The following TRIM66 variants were observed in gnomAD, a reference collection of about 807,000 sequenced individuals.
TRIM66 encodes the protein tripartite motif containing 66, also known as tripartite motif-containing protein 66.
TRIM66 carries 99 observed loss-of-function variants against 148.2 expected under a neutral mutation model. The ratio of observed to expected loss-of-function variants is 0.67; its 90% confidence interval spans 0.57 to 0.79. The LOEUF is 0.79. Among genes scored for constraint, TRIM66 ranks in the 30% least tolerant of loss-of-function variants. The pLI, the probability that TRIM66 is intolerant of heterozygous loss-of-function variation, is 0.00. For missense variants in TRIM66, 1,666 were observed against 1,697.9 expected (o/e 0.98, Z 0.33); for synonymous variants, 616 against 635.9 (o/e 0.97, Z 0.47).
At position 8,635,973 on chromosome 11, in the gene TRIM66, C is replaced by T. The variant is rs145746130; in HGVS notation, c.2310+2681G>A. ...AGCACTGGCAATGAAACCACCTTTG[C>T]AAAAATTATATCAATGAGCAAATTA... On this transcript the variant is annotated intron_variant, in intron 15 of 24. Transcript: ENST00000646038. Among the ~76,000 whole-genome samples, 20 of 152,328 alleles carry T rather than the reference C, an allele frequency of 1.3e-4. No homozygotes were observed. The East Asian group carries it at 3.9e-3, about 29-fold the overall frequency.
chr11:8,648,152 G>T, intron 9 of TRIM66, 66 bp from the exon 10 acceptor site: 2 of 1,363,680 alleles, frequency 1.5e-6, no homozygotes, highest in East Asian at 2.5e-5. Context: ...CCAACCAAGC[G>T]GGAATCTCCA....
intron 15 of TRIM66, among the ~76,000 whole-genome samples, chr11:8,628,675 T>G (rs947926768): frequency 2.0e-5 from 3 of 146,702 alleles, no homozygotes; most frequent in African/African-American, 5.0e-5. Flanking sequence ...AAGCTACAAC[T>G]TAATTTTGAC....
chr11:8,627,655 T>C (rs887824335), intron 15 of TRIM66, among the ~76,000 whole-genome samples: 1 of 152,230 alleles, frequency 6.6e-6, no homozygotes, highest in African/African-American at 2.4e-5. Context: ...TTTCATGTTA[T>C]TATAAAACAT....
chr11:8,659,337 T>C (rs571858902), intron 6 of TRIM66, among the ~76,000 whole-genome samples: 4 of 152,140 alleles, frequency 2.6e-5, no homozygotes, highest in African/African-American at 4.8e-5. Flanking sequence ...GTCAGGGTAG[T>C]TGAGCATTAA....
intron 6 of TRIM66, among the ~76,000 whole-genome samples, chr11:8,669,260 T>A (rs1484542098): frequency 6.6e-6 from 1 of 152,212 alleles, no homozygotes; most frequent in African/African-American, 2.4e-5. Flanking sequence ...AGAATTACGG[T>A]AAAGTCACAG....
At chr11:8,639,842 A>G (rs1022962247) in intron 14 of TRIM66, among the ~76,000 whole-genome samples, 1 of 152,164 alleles carries the variant, frequency 6.6e-6, no homozygotes, top group Non-Finnish European at 1.5e-5. Flanking sequence ...TCTGGGATTC[A>G]TAAGGTCCGG....
intron 6 of TRIM66, among the ~76,000 whole-genome samples, chr11:8,661,022 A>G (rs1224429832): frequency 6.6e-6 from 1 of 152,218 alleles, no homozygotes; most frequent in Admixed American, 6.5e-5. Context: ...AGCAATTGGA[A>G]GCCTTTAGAG....
intron 6 of TRIM66, among the ~76,000 whole-genome samples, chr11:8,652,617 G>A (rs1170543150): frequency 1.3e-5 from 2 of 152,116 alleles, no homozygotes; most frequent in African/African-American, 4.8e-5. Flanking sequence ...GTGGGCTTCT[G>A]GACTATAAAA....
chr11:8,679,055 T>C (rs1312937083), intron 3 of TRIM66: 1 of 152,196 alleles, frequency 6.6e-6, no homozygotes, highest in South Asian at 2.1e-4. Context: ...AGAAGAGATG[T>C]CACAGAGAAG....
chr11:8,654,986 G>T (rs1353141846), intron 6 of TRIM66, among the ~76,000 whole-genome samples: 1 of 151,988 alleles, frequency 6.6e-6, no homozygotes, highest in Admixed American at 6.6e-5. Flanking sequence ...TCAGCCTCCT[G>T]AGTAGCTGGG....
intron 6 of TRIM66, among the ~76,000 whole-genome samples, chr11:8,666,253 C>A (rs928490522): frequency 9.0e-5 from 13 of 143,676 alleles, no homozygotes; most frequent in African/African-American, 3.4e-4. Context: ...AGAGGAGAAT[C>A]GCTTGAACCC....
At chr11:8,648,319 A>C in intron 9 of TRIM66, 97 bp downstream of exon 9, 1 of 1,493,126 alleles carries the variant, frequency 6.7e-7, no homozygotes, top group Non-Finnish European at 9.0e-7. Context: ...TGGCTTGGGC[A>C]GGGAGAAGAT....
In TRIM66 at chr11:8,640,268, G is replaced by A; in HGVS notation, c.2107C>T (p.Pro703Ser). The A allele has an allele frequency of 6.4e-7, 1 of 1,551,660 alleles. No individual in the cohort carries two copies. The highest frequency in any genetic ancestry group is 8.7e-7 in the Non-Finnish European group (1 of 1,147,004). ...VGQINYIVRQ[P>S]APVQSQSQEE... ...TGGCTCTGGGACTGGACAGGTGCTG[G>A]CTGCCTCACGATGTAGTTGATCTGC... is the stretch of plus-strand genomic sequence containing the variant. The change falls in exon 14 of 25, where the codon CCA becomes TCA. Residue 703 changes from proline (P) to serine (S), a missense_variant. Physicochemically the swap from Pro to Ser is moderately conservative, Grantham distance 74 (BLOSUM62 -1). Coordinates refer to ENST00000646038, the MANE Select transcript of TRIM66 (RefSeq NM_001388022.1).
chr11:8,623,299 G>A (rs2034487255), intron 17 of TRIM66, among the ~76,000 whole-genome samples: 1 of 152,176 alleles, frequency 6.6e-6, no homozygotes, highest in Non-Finnish European at 1.5e-5. Context: ...CACACTCCAT[G>A]GAAAAGAGGC....
chr11:8,680,599 G>A (rs2039368128), intron 1 of TRIM66: 1 of 152,256 alleles, frequency 6.6e-6, no homozygotes. Flanking sequence ...CCAAGACAGA[G>A]AATAAAGGAG....
intron 6 of TRIM66, among the ~76,000 whole-genome samples, chr11:8,652,771 T>C (rs994954325): frequency 3.3e-5 from 5 of 152,136 alleles, no homozygotes. Flanking sequence ...TGGAAAGGGG[T>C]TGGCTATGGC....
At chr11:8,669,893 T>C (rs952500730) in intron 6 of TRIM66, among the ~76,000 whole-genome samples, 4 of 152,176 alleles carry the variant, frequency 2.6e-5, no homozygotes, top group Non-Finnish European at 5.9e-5. Context: ...GGTACATATT[T>C]AGGTTTGTTA....
At chr11:8,654,782 T>C (rs1214356229) in intron 6 of TRIM66, among the ~76,000 whole-genome samples, 1 of 152,230 alleles carries the variant, frequency 6.6e-6, no homozygotes, top group Non-Finnish European at 1.5e-5. Context: ...CTGCTGTACA[T>C]TGTTTTGCTT....
intron 3 of TRIM66, among the ~76,000 whole-genome samples, chr11:8,675,778 C>T (rs1263146611): frequency 7.3e-5 from 11 of 151,464 alleles, no homozygotes; most frequent in Middle Eastern, 3.4e-3. Flanking sequence ...CTCGCTCTGT[C>T]GTCAGGCTGG....
Sources: gnomAD v4.1 joint callset for allele counts (sites outside exome capture counted in the v4.1 genomes callset) on GRCh38, gnomAD v4.1.1 for gene constraint, MANE v1.5 for transcripts, NCBI Gene and HGNC (gene_info 2026-07-23, HGNC 2026-07-21) for gene names.